TULP4: variants seen among roughly 807,000 people sequenced by gnomAD.
TULP4 encodes the protein TUB like protein 4.
A neutral mutation model predicts 129.0 loss-of-function variants in TULP4; 16 were observed. The ratio of observed to expected loss-of-function variants is 0.12; its 90% CI spans 0.08 to 0.19. The LOEUF is 0.19. Ranked by LOEUF, TULP4 falls within the 10% of genes least tolerant of loss-of-function variation. The probability of loss-of-function intolerance (pLI) is 1.00; values close to 1 mark genes in which losing one functional copy is unlikely to be tolerated. For synonymous variants in TULP4, 998 were observed against 854.0 expected (o/e 1.17, Z -2.94); for missense variants, 1,842 against 2,059.1 (o/e 0.89, Z 2.04).
intron 2 of TULP4, among the ~76,000 whole-genome samples, chr6:158,414,049 A>C (rs921033396): frequency 6.6e-6 from 1 of 152,220 alleles, no homozygotes; most frequent in Non-Finnish European, 1.5e-5. Flanking sequence ...GAGCTTCCTA[A>C]GCTACAGATC....
At chr6:158,236,315 C>CAAACTGGA (rs1427724977) in intron 1 of TULP4, among the ~76,000 whole-genome samples, 1 of 152,090 alleles carries the variant, frequency 6.6e-6, no homozygotes, top group Non-Finnish European at 1.5e-5. Context: ...AGACAAATGA[C>CAAACTGGA]AAACTGGAAA....
At chr6:158,294,090 G>A (rs117500348) in intron 1 of TULP4, among the ~76,000 whole-genome samples, 1,570 of 152,314 alleles carry the variant, frequency 0.01, 5 homozygotes, top group Non-Finnish European at 0.017. Context: ...CGGGCCAGGC[G>A]CAGTGGTTCA....
chr6:158,332,200 A>AATATATAT (rs776893885), intron 1 of TULP4, among the ~76,000 whole-genome samples: 39 of 17,970 alleles, frequency 2.2e-3, no homozygotes, highest in African/African-American at 7.7e-3. Context: ...AAAAAAAAAA[A>AATATATAT]ATATATATAT....
chr6:158,362,828 C>A (rs993987455), intron 1 of TULP4, among the ~76,000 whole-genome samples: 8 of 69,414 alleles, frequency 1.2e-4, no homozygotes, highest in Non-Finnish European at 1.9e-4. Flanking sequence ...TTAATCCCAG[C>A]ACTTTGGGAG....
At chr6:158,285,781 C>T (rs1778825437) in intron 1 of TULP4, among the ~76,000 whole-genome samples, 1 of 152,186 alleles carries the variant, frequency 6.6e-6, no homozygotes, top group Non-Finnish European at 1.5e-5. Flanking sequence ...CTCTCTGTGT[C>T]TTCCCTGTCC....
intron 1 of TULP4, among the ~76,000 whole-genome samples, chr6:158,318,000 G>A (rs1013453211): frequency 2.6e-5 from 4 of 152,024 alleles, no homozygotes; most frequent in Admixed American, 2.0e-4. Flanking sequence ...CTTTTTGACG[G>A]GGTTGTTTGT....
Position 158,510,889 on chromosome 6 carries a change from A to G in TULP4, c.*4195A>G, listed in dbSNP as rs1780724960. ...TTGAAAAGGAAAGTTTGGCCCAGCA[A>G]CTGGAGAAGGAGTCCATGGTGTCGC... On this transcript the variant is annotated 3_prime_UTR_variant, in exon 14 of 14. Transcript: ENST00000367097. The G allele has an allele frequency of 6.6e-6, 1 of 152,250 alleles. No homozygotes were observed. 9.4% of individuals were successfully genotyped at this position (152,250 alleles called of 1,614,324 possible). A position where few individuals can be genotyped will look rare whatever the true frequency, so the allele number is the denominator to read the frequency against.
chr6:158,315,170 C>A (rs979411900), intron 1 of TULP4, among the ~76,000 whole-genome samples: 5 of 152,130 alleles, frequency 3.3e-5, no homozygotes, highest in African/African-American at 1.2e-4. Context: ...AGGTCTTAGT[C>A]CATTTGTGCT....
intron 4 of TULP4, among the ~76,000 whole-genome samples, chr6:158,450,680 T>C (rs1779144623): frequency 6.6e-6 from 1 of 151,868 alleles, no homozygotes; most frequent in Non-Finnish European, 1.5e-5. Context: ...CTTCATCACA[T>C]GGACTCAGCA....
At chr6:158,282,036 T>G (rs1389537717), upstream of TULP4, among the ~76,000 whole-genome samples, 5 of 152,176 alleles carry the variant, frequency 3.3e-5, no homozygotes, top group Admixed American at 3.3e-4. Context: ...ACATTTTTGC[T>G]GTCTTCTTTT....
At position 158,504,130 on chromosome 6, in the gene TULP4, G is replaced by C; in HGVS notation, c.4467G>C (p.Val1489=). ...QVYQLDFGGR[V]TQESAKNFQI... ...ACCAGCTGGACTTCGGGGGGCGGGT[G>C]ACCCAGGAGTCCGCCAAGAACTTCC... Residue 1489 remains valine, a synonymous_variant, in exon 13 of 14, where the codon GTG becomes GTC. Coordinates refer to ENST00000367097, the MANE Select transcript of TULP4 (RefSeq NM_020245.5). The C allele has an allele frequency of 6.2e-7, 1 of 1,607,690 alleles. No individual in the cohort carries two copies. Among genetic ancestry groups the C allele is most frequent in the Non-Finnish European group, 8.5e-7 (1 of 1,177,476 alleles).
intron 1 of TULP4, among the ~76,000 whole-genome samples, chr6:158,353,825 C>A (rs1780581207): frequency 6.6e-6 from 1 of 152,192 alleles, no homozygotes; most frequent in Admixed American, 6.5e-5. Context: ...AAAGTGAATT[C>A]TCTAACAATA....
Position 158,250,469 on chromosome 6 carries a change from C to G in TULP4, n.68+18166C>G, listed in dbSNP as rs932291705. On this transcript the variant is annotated intron_variant and non_coding_transcript_variant, in intron 1 of 1. Coordinates refer to the TULP4 transcript ENST00000620026. ...CTATACCTGGCGCCAAAATGCTTTT[C>G]TTTAGAGAGAGATATAGAAGCAATA... is the stretch of plus-strand genomic sequence containing the variant. Among the ~76,000 whole-genome samples, 7 of 152,138 alleles carry G rather than the reference C, an allele frequency of 4.6e-5. No individual in the cohort carries two copies. The East Asian group carries it at 1.2e-3, about 25-fold the overall frequency.
At chr6:158,505,495 C>T (rs1412747525) in intron 13 of TULP4, among the ~76,000 whole-genome samples, 1 of 152,244 alleles carries the variant, frequency 6.6e-6, no homozygotes, top group Non-Finnish European at 1.5e-5. Context: ...GTGTGACCCA[C>T]AAAGCTTAAA....
At chr6:158,247,727 A>G (rs1778053523) in intron 1 of TULP4, among the ~76,000 whole-genome samples, 1 of 152,234 alleles carries the variant, frequency 6.6e-6, no homozygotes, top group African/African-American at 2.4e-5. Flanking sequence ...TTGGCTATTA[A>G]GAGTGTGTTT....
At chr6:158,500,030 C>G (rs1399444813) in intron 12 of TULP4, among the ~76,000 whole-genome samples, 1 of 152,150 alleles carries the variant, frequency 6.6e-6, no homozygotes, top group East Asian at 1.9e-4. Context: ...TCTAGTGCAT[C>G]CCCTTCTACT....
At chr6:158,321,410 C>T (rs1218253484) in intron 1 of TULP4, among the ~76,000 whole-genome samples, 1 of 152,150 alleles carries the variant, frequency 6.6e-6, no homozygotes, top group Non-Finnish European at 1.5e-5. Flanking sequence ...ACTCCAGATA[C>T]CTCTCTCTGT....
chr6:158,270,127 G>T lies in TULP4; in HGVS notation n.68+37824G>T, dbSNP rs142679238. Among the ~76,000 whole-genome samples, 10 of 152,284 alleles carry T rather than the reference G, an allele frequency of 6.6e-5. No individual in the cohort carries two copies. In the East Asian group the frequency reaches 1.9e-3, roughly 29 times the overall value. ...CTTTCCTATCCAGGCAGTATAATTA[G>T]ATCTTCTATATATCTTTAATAGCCT... On this transcript the variant is annotated intron_variant and non_coding_transcript_variant, in intron 1 of 1. Coordinates refer to the TULP4 transcript ENST00000620026.
At chr6:158,249,827 G>A (rs1337602306) in intron 1 of TULP4, among the ~76,000 whole-genome samples, 1 of 152,182 alleles carries the variant, frequency 6.6e-6, no homozygotes, top group African/African-American at 2.4e-5. Flanking sequence ...TTTATTTAAA[G>A]TTTTTGACCA....
Sources: allele counts gnomAD v4.1 joint callset (sites outside exome capture counted in the v4.1 genomes callset), GRCh38; gene constraint gnomAD v4.1.1; transcripts MANE v1.5; gene names NCBI Gene and HGNC (gene_info 2026-07-23, HGNC 2026-07-21).